SLC9C1: variants seen among roughly 807,000 people sequenced by gnomAD.
The protein encoded by SLC9C1 is solute carrier family 9 member C1, also known as sodium/hydrogen exchanger 10.
SLC9C1 carries 97 observed loss-of-function variants against 140.9 expected under a neutral mutation model. The observed-to-expected ratio is 0.69, with a 90% confidence interval of 0.58 to 0.82. The LOEUF (loss-of-function observed/expected upper bound fraction) is 0.82. SLC9C1 is among the 40% of genes least tolerant of loss of function. SLC9C1 has a pLI of 0.00. For synonymous variants in SLC9C1, 440 were observed against 442.6 expected, an observed-to-expected ratio of 0.99 and a Z score of 0.07; for missense variants, 1,340 against 1,389.3, an observed-to-expected ratio of 0.96 and a Z score of 0.56.
chr3:112,205,652 G>C (rs1434795612), intron 16 of SLC9C1, among the ~76,000 whole-genome samples: 8 of 74,668 alleles, frequency 1.1e-4, no homozygotes, highest in Admixed American at 3.6e-4. Context: ...TACCAAAACA[G>C]AGATATGGAT....
chr3:112,189,376 G>A (rs1018173379), intron 20 of SLC9C1, among the ~76,000 whole-genome samples: 1 of 152,200 alleles, frequency 6.6e-6, no homozygotes, highest in African/African-American at 2.4e-5. Flanking sequence ...TAACATTTAA[G>A]TCTTTAATCC....
chr3:112,266,809 T>G (rs9873623), intron 7 of SLC9C1, among the ~76,000 whole-genome samples: 90,049 of 152,144 alleles, frequency 0.59, 27,178 homozygotes, highest in East Asian at 0.79. Context: ...ACTTCGACTA[T>G]TTCTGTGCCC....
intron 20 of SLC9C1, among the ~76,000 whole-genome samples, chr3:112,190,965 A>G (rs1259418772): frequency 1.1e-5 from 1 of 93,388 alleles, no homozygotes; most frequent in African/African-American, 3.7e-5. Context: ...ACACACACAC[A>G]TATATATATA....
chr3:112,214,718 T>C (rs1362757039), intron 15 of SLC9C1, among the ~76,000 whole-genome samples: 1 of 152,208 alleles, frequency 6.6e-6, no homozygotes, highest in South Asian at 2.1e-4. Flanking sequence ...AAACAATTAA[T>C]AGCTTACCAA....
chr3:112,204,449 T>G lies in SLC9C1; in HGVS notation c.1987-46A>C, dbSNP rs187780526. The G allele has an allele frequency of 1.4e-5, 21 of 1,517,040 alleles. No homozygotes were observed. In the Admixed American group the frequency reaches 4.4e-4, roughly 32 times the overall value. The allele number at this position is 1,517,040 out of a possible 1,614,324, so 94.0% of individuals were successfully genotyped here. ...TACATTATCATGTTTGTTTCTGCTT[T>G]TACTACACCATTTTCCACAATAATT... On this transcript the variant is annotated intron_variant, in intron 16 of 28. Coordinates refer to ENST00000305815, the MANE Select transcript of SLC9C1 (RefSeq NM_183061.3).
intron 12 of SLC9C1, among the ~76,000 whole-genome samples, chr3:112,235,901 G>A (rs1439206660): frequency 6.6e-6 from 1 of 152,180 alleles, no homozygotes; most frequent in African/African-American, 2.4e-5. Flanking sequence ...TTGCATCAAT[G>A]TTCATCAGGA....
At position 112,155,054 on chromosome 3, in the gene SLC9C1, T is replaced by TAAA; in HGVS notation, c.3365-6_3365-5insTTT. On this transcript the variant is annotated splice_polypyrimidine_tract_variant and splice_region_variant and intron_variant, in intron 26 of 28. Transcript: ENST00000305815. ...CTTCCAATGTTCCAACTGAACCTGATTAAAAAAAAAAAAAACAGTGTTAAT... is the reference window on the plus strand; with the variant it reads ...CTTCCAATGTTCCAACTGAACCTGATAAATAAAAAAAAAAAAAACAGTGTTAAT... 6.7e-7 allele frequency: 1 copy of TAAA among 1,489,858 alleles called. No individual in the cohort carries two copies. The highest frequency in any genetic ancestry group is 8.9e-7 in the Non-Finnish European group (1 of 1,125,420). The allele number at this position is 1,489,858 out of a possible 1,614,324, so 92.3% of individuals were successfully genotyped here.
At chr3:112,213,350 A>G (rs1338733444) in intron 15 of SLC9C1, among the ~76,000 whole-genome samples, 1 of 152,208 alleles carries the variant, frequency 6.6e-6, no homozygotes, top group East Asian at 1.9e-4. Flanking sequence ...AAATCCACAC[A>G]TAACAATATT....
chr3:112,275,171 CA>C, intron 5 of SLC9C1, 146 bp from the exon 6 acceptor site: 1 of 803,038 alleles, frequency 1.2e-6, no homozygotes. Flanking sequence ...TCATAATTGG[CA>C]CTAAATTAAT....
At chr3:112,204,996 A>T (rs575664403) in intron 16 of SLC9C1, among the ~76,000 whole-genome samples, 2 of 151,886 alleles carry the variant, frequency 1.3e-5, no homozygotes, top group Non-Finnish European at 2.9e-5. Flanking sequence ...TCTCAAAAAA[A>T]TTCGATGCCC....
At position 112,293,298 on chromosome 3, in the gene SLC9C1, C is replaced by A. The variant is rs76009802; in HGVS notation, c.-88+795G>T. ...TTCAAATATATATATATATATATAT[C>A]TCTCATGTTAGCTAATATCTCAATT... On this transcript the variant is annotated intron_variant, in intron 1 of 28. Transcript: ENST00000305815. Among the ~76,000 whole-genome samples the A allele has an allele frequency of 6.0e-3, 891 of 148,544 alleles. 11 individuals are homozygous for A. The highest frequency in any genetic ancestry group is 0.022 in the African/African-American group (846 of 38,908).
Position 112,155,027 on chromosome 3 carries a change from T to G in SLC9C1, c.3387A>C (p.Glu1129Asp). ...GLIGSVGTLE[E>D]GIQEERNVKE... The stretch of plus-strand genomic sequence containing the variant: ...TAACATTTCTTTCTTCTTGAATGCC[T>G]TCTTCCAATGTTCCAACTGAACCTG... Residue 1129 changes from glutamate to aspartate, a missense_variant, in exon 27 of 29, where the codon GAA becomes GAC. Physicochemically the swap from Glu to Asp is conservative, Grantham distance 45. Coordinates refer to ENST00000305815, the MANE Select transcript of SLC9C1 (RefSeq NM_183061.3). 1.2e-6 allele frequency: 2 copies of G among 1,608,438 alleles called. No individual in the cohort carries two copies. Among genetic ancestry groups the G allele is most frequent in the Non-Finnish European group, 1.7e-6 (2 of 1,178,902 alleles).
chr3:112,199,391 G>T lies in SLC9C1; in HGVS notation c.2453C>A (p.Ala818Asp). The T allele has an allele frequency of 6.3e-7, 1 of 1,598,094 alleles. No homozygotes were observed. The highest frequency in any genetic ancestry group is 8.5e-7 in the Non-Finnish European group (1 of 1,172,430). The stretch of plus-strand genomic sequence containing the variant: ...GCCAAAAGCCTTAAGAATTTCTGTA[G>T]CCATATTGAGCATAACATTAATTTC... ...KEEINVMLNM[A>D]TEILKAFGLK... The change falls in exon 20 of 29, where the codon GCT (alanine) becomes GAT (aspartate). Residue 818 changes from alanine (A) to aspartate (D), a missense_variant. Physicochemically the swap from Ala to Asp is moderately radical, Grantham distance 126 (BLOSUM62 -2). Coordinates refer to ENST00000305815, the MANE Select transcript of SLC9C1 (RefSeq NM_183061.3).
chr3:112,276,479 T>A (rs75874904), intron 5 of SLC9C1, among the ~76,000 whole-genome samples: 9,078 of 151,972 alleles, frequency 0.06, 393 homozygotes, highest in East Asian at 0.2. Context: ...TCAGGAACAA[T>A]GCTGCCAAGA....
At chr3:112,146,139 T>A (rs1326541018) in intron 28 of SLC9C1, among the ~76,000 whole-genome samples, 1 of 152,190 alleles carries the variant, frequency 6.6e-6, no homozygotes, top group Non-Finnish European at 1.5e-5. Flanking sequence ...AAGGATCTTT[T>A]GTATTTCTGT....
In SLC9C1 at chr3:112,269,934, A is replaced by G. The variant is rs773003335; in HGVS notation, c.757T>C (p.Tyr253His). 1.3e-6 allele frequency: 2 copies of G among 1,560,570 alleles called. No homozygotes were observed. The highest frequency in any genetic ancestry group is 2.5e-5 in the South Asian group (2 of 79,866). Residue 253 changes from tyrosine to histidine, a missense_variant, in exon 7 of 29, where the codon TAT (tyrosine) becomes CAT (histidine). Tyr to His is a moderately conservative substitution (Grantham distance 83, BLOSUM62 2). Transcript: ENST00000305815. ...NHISLIFSILYLIFYICELVG... is the reference protein window; with the variant it reads ...NHISLIFSILHLIFYICELVG... ...CACTTACAAATATAAAAGATGAGAT[A>G]CAGAATTGAAAAGATGAGACTTATA...
At chr3:112,212,723 C>T (rs1380721677) in intron 15 of SLC9C1, among the ~76,000 whole-genome samples, 2 of 152,174 alleles carry the variant, frequency 1.3e-5, no homozygotes, top group Admixed American at 6.5e-5. Flanking sequence ...ACCAAATCTA[C>T]ATCCGATTGG....
intron 16 of SLC9C1, 52 bp from the exon 17 acceptor site, chr3:112,204,455 C>G: frequency 2.0e-6 from 3 of 1,490,300 alleles, no homozygotes; most frequent in Non-Finnish European, 2.7e-6. Flanking sequence ...GCTTTTACTA[C>G]ACCATTTTCC....
intron 20 of SLC9C1, among the ~76,000 whole-genome samples, chr3:112,193,147 G>A (rs756290600): frequency 6.6e-5 from 10 of 152,212 alleles, no homozygotes; most frequent in South Asian, 2.1e-4. Flanking sequence ...CTATGAGAGC[G>A]TGTGGTGGTA....
Sources: gnomAD v4.1 joint callset for allele counts (sites outside exome capture counted in the v4.1 genomes callset) on GRCh38, gnomAD v4.1.1 for gene constraint, MANE v1.5 for transcripts, NCBI Gene and HGNC (gene_info 2026-07-23, HGNC 2026-07-21) for gene names.